The following SNX29 variants were observed in gnomAD, a reference collection of about 807,000 sequenced individuals.
SNX29 encodes sorting nexin 29.
In SNX29, 78 loss-of-function variants were observed where a neutral mutation model predicts 102.1. The observed-to-expected ratio is 0.76, with a 90% CI of 0.64 to 0.92. The LOEUF is 0.92. Among genes scored for constraint, SNX29 ranks in the 40% least tolerant of loss-of-function variants. The pLI, the probability that SNX29 is intolerant of heterozygous loss-of-function variation, is 0.00. For synonymous variants in SNX29, 580 were observed against 414.5 expected (o/e 1.40, Z -4.85); for missense variants, 1,280 against 1,061.7 (o/e 1.21, Z -2.86).
intron 14 of SNX29, among the ~76,000 whole-genome samples, chr16:12,249,728 G>C (rs1008932621): frequency 6.6e-6 from 1 of 152,176 alleles, no homozygotes; most frequent in Non-Finnish European, 1.5e-5. Flanking sequence ...TTGAGAATTA[G>C]GTGAATAATA....
Position 12,390,362 on chromosome 16 carries a change from A to G in SNX29, c.1900-8084A>G, listed in dbSNP as rs146458087. On this transcript the variant is annotated intron_variant, in intron 16 of 20. Transcript: ENST00000566228. Reference sequence around the variant, plus strand: ...GCCGTGCTCATCTCCCTTATGCTTCAGGCTCCTCCCAGATGCCTCATCCAT... The same window carrying G: ...GCCGTGCTCATCTCCCTTATGCTTCGGGCTCCTCCCAGATGCCTCATCCAT... Among the ~76,000 whole-genome samples the G allele has an allele frequency of 2.5e-4, 38 of 152,188 alleles. 1 individual carries two copies. In the East Asian group the frequency reaches 2.9e-3, roughly 12 times the overall value.
intron 11 of SNX29, among the ~76,000 whole-genome samples, chr16:12,089,474 A>C (rs2052395982): frequency 6.6e-6 from 1 of 152,210 alleles, no homozygotes; most frequent in African/African-American, 2.4e-5. Context: ...CTGCCCTCAG[A>C]AGCTGTCAGA....
At chr16:12,209,068 TCTC>T (rs1567313748) in intron 14 of SNX29, among the ~76,000 whole-genome samples, 1 of 152,156 alleles carries the variant, frequency 6.6e-6, no homozygotes, top group Non-Finnish European at 1.5e-5. Flanking sequence ...GCTTTTGGCT[TCTC>T]CTGAAAATCT....
chr16:12,320,739 T>G (rs945674868), intron 15 of SNX29, among the ~76,000 whole-genome samples: 2 of 152,288 alleles, frequency 1.3e-5, no homozygotes, highest in Admixed American at 1.3e-4. Context: ...GAGAACAACA[T>G]CACCATGCAT....
At chr16:12,563,514 G>A (rs149549916) in intron 20 of SNX29, among the ~76,000 whole-genome samples, 3,001 of 152,306 alleles carry the variant, frequency 0.02, 39 homozygotes, top group Middle Eastern at 0.075. Flanking sequence ...ACTCCTCCCC[G>A]CATGTGAAAA....
At chr16:12,391,744 C>G (rs1490258880) in intron 16 of SNX29, among the ~76,000 whole-genome samples, 1 of 152,158 alleles carries the variant, frequency 6.6e-6, no homozygotes, top group Non-Finnish European at 1.5e-5. Context: ...GCACATAGAA[C>G]TTTACCATCG....
intron 18 of SNX29, among the ~76,000 whole-genome samples, chr16:12,460,835 A>G (rs906936084): frequency 1.3e-5 from 2 of 151,824 alleles, no homozygotes; most frequent in African/African-American, 4.8e-5. Context: ...TAATTTTTGT[A>G]CTTTTAGTAG....
intron 18 of SNX29, among the ~76,000 whole-genome samples, chr16:12,411,407 C>A (rs967066576): frequency 2.0e-5 from 3 of 152,178 alleles, no homozygotes; most frequent in Non-Finnish European, 4.4e-5. Context: ...ACATGAACCC[C>A]TAGCTGTTCC....
At chr16:12,423,774 G>T (rs1180909811) in intron 18 of SNX29, among the ~76,000 whole-genome samples, 1 of 152,180 alleles carries the variant, frequency 6.6e-6, no homozygotes, top group African/African-American at 2.4e-5. Context: ...GTTTCGCTAT[G>T]TTGGCCAGGC....
At chr16:12,235,837 T>C (rs2077914668) in intron 14 of SNX29, among the ~76,000 whole-genome samples, 1 of 151,900 alleles carries the variant, frequency 6.6e-6, no homozygotes, top group South Asian at 2.1e-4. Context: ...GTGCTTGGAG[T>C]GTAGATTCTG....
Position 12,570,108 on chromosome 16 carries a change from G to C in SNX29, c.*1479G>C. ...CTGTGCCTTCCCCTCGTAGCAAAAA[G>C]GAAGATTGTTCATGGCCTTTAAGGA... On this transcript the variant is annotated 3_prime_UTR_variant, in exon 21 of 21. Coordinates refer to ENST00000566228, the MANE Select transcript of SNX29 (RefSeq NM_032167.5). 2.1e-6 allele frequency: 2 copies of C among 974,128 alleles called. No individual in the cohort carries two copies. Among genetic ancestry groups the C allele is most frequent in the South Asian group, 5.9e-5 (1 of 16,876 alleles). 60.3% of individuals were successfully genotyped at this position (974,128 alleles called of 1,614,324 possible).
At chr16:12,560,671 C>G (rs2078674323) in intron 20 of SNX29, 1 of 156,884 alleles carries the variant, frequency 6.4e-6, no homozygotes. Context: ...GGGGGCTGGG[C>G]TTGGATGCAT....
At chr16:12,413,179 A>G (rs2084476561) in intron 18 of SNX29, among the ~76,000 whole-genome samples, 1 of 152,136 alleles carries the variant, frequency 6.6e-6, no homozygotes, top group Admixed American at 6.6e-5. Flanking sequence ...CTCATTAGCT[A>G]AGTTCTAATG....
chr16:12,344,890 C>T (rs1439402531), intron 15 of SNX29, among the ~76,000 whole-genome samples: 1 of 152,246 alleles, frequency 6.6e-6, no homozygotes, highest in African/African-American at 2.4e-5. Context: ...AAGGAGAGGC[C>T]AGCAGAGCCT....
At chr16:12,068,545 C>CT (rs1159403572) in intron 9 of SNX29, among the ~76,000 whole-genome samples, 2 of 147,810 alleles carry the variant, frequency 1.4e-5, no homozygotes, top group Non-Finnish European at 3.0e-5. Flanking sequence ...AAGTATAGGG[C>CT]TTTTAAAAAA....
In SNX29 at chr16:12,293,707, G is replaced by A. The variant is rs140838820; in HGVS notation, c.1782+15671G>A. 7.5e-3 allele frequency among the ~76,000 whole-genome samples: 1,143 copies of A among 152,162 alleles called. 17 individuals carry two copies. Among genetic ancestry groups the A allele is most frequent in the African/African-American group, 0.026 (1,079 of 41,490 alleles). On this transcript the variant is annotated intron_variant, in intron 15 of 20. Transcript: ENST00000566228. ...GAACATTTTTTACTTAATCCACTTT[G>A]GGGGAATATTTGAACAGATTAAAAA...
intron 15 of SNX29, among the ~76,000 whole-genome samples, chr16:12,353,569 G>C (rs556263010): frequency 8.5e-5 from 13 of 152,188 alleles, no homozygotes; most frequent in Non-Finnish European, 1.8e-4. Flanking sequence ...ACCAAGGCCC[G>C]ATGCCTGAAC....
At chr16:12,344,102 C>T (rs145397063) in intron 15 of SNX29, among the ~76,000 whole-genome samples, 5 of 152,234 alleles carry the variant, frequency 3.3e-5, no homozygotes, top group East Asian at 1.9e-4. Context: ...TCTTGTCTGC[C>T]GCCATATAAG....
At chr16:12,545,958 C>T (rs1042939654) in intron 20 of SNX29, among the ~76,000 whole-genome samples, 2 of 152,124 alleles carry the variant, frequency 1.3e-5, no homozygotes, top group South Asian at 2.1e-4. Context: ...CAACTAAGGG[C>T]AGGATGTGTG....
Sources: gnomAD v4.1 joint callset for allele counts (sites outside exome capture counted in the v4.1 genomes callset) on GRCh38, gnomAD v4.1.1 for gene constraint, MANE v1.5 for transcripts, NCBI Gene and HGNC (gene_info 2026-07-23, HGNC 2026-07-21) for gene names.